Variants in FSIP2 observed in about 807,000 individuals in gnomAD.
FSIP2 encodes the protein fibrous sheath-interacting protein 2.
FSIP2 carries 367 observed loss-of-function variants against 510.5 expected under a neutral mutation model. The observed-to-expected ratio is 0.72, with a 90% CI of 0.66 to 0.78. The LOEUF (loss-of-function observed/expected upper bound fraction) is 0.78, where lower values mean the gene tolerates loss of function less well. FSIP2 is among the 30% of genes least tolerant of loss of function. The probability of loss-of-function intolerance (pLI) is 0.00; values close to 1 mark genes in which losing one functional copy is unlikely to be tolerated. For synonymous variants in FSIP2, 2,601 were observed against 2,732.2 expected (o/e 0.95, Z 1.50); for missense variants, 7,594 against 7,901.7 (o/e 0.96, Z 1.48).
intron 13 of FSIP2, among the ~76,000 whole-genome samples, chr2:185,773,318 T>C (rs950879035): frequency 1.3e-5 from 2 of 152,218 alleles, no homozygotes; most frequent in African/African-American, 4.8e-5. Context: ...TTGAATATTT[T>C]ATGTCATTCT....
chr2:185,821,229 A>G (rs1206647853), intron 19 of FSIP2, among the ~76,000 whole-genome samples: 1 of 151,882 alleles, frequency 6.6e-6, no homozygotes, highest in East Asian at 1.9e-4. Context: ...AGAAATACAC[A>G]GCTTGTCAAG....
rs1281687658 is a variant in FSIP2 at position 185,797,222 on chromosome 2, A to C, written c.10086A>C (p.Ser3362=). The C allele has an allele frequency of 8.5e-6, 13 of 1,535,108 alleles. No homozygotes were observed. The East Asian group carries it at 3.2e-4, about 38-fold the overall frequency. The part of the protein sequence containing the change: ...NREIMKPFFI[S]KQSSLSEVSG... ...AAATAATGAAACCATTTTTCATATC[A>C]AAACAAAGCTCTTTATCTGAAGTAT... Residue 3362 remains serine (S), a synonymous_variant, in exon 16 of 23, where the codon TCA becomes TCC. Coordinates refer to ENST00000424728, the MANE Select transcript of FSIP2 (RefSeq NM_173651.4).
At chr2:185,766,834 C>G (rs1299116157) in intron 13 of FSIP2, among the ~76,000 whole-genome samples, 1 of 133,178 alleles carries the variant, frequency 7.5e-6, no homozygotes, top group Admixed American at 7.6e-5. Flanking sequence ...ACCCAAAGGA[C>G]TATAAATCAT....
At chr2:185,779,653 T>TATC (rs1329169751) in intron 13 of FSIP2, among the ~76,000 whole-genome samples, 6 of 152,138 alleles carry the variant, frequency 3.9e-5, no homozygotes, top group Non-Finnish European at 5.9e-5. Flanking sequence ...TTAAAGGTTT[T>TATC]ATCAGTCAAA....
upstream of FSIP2, chr2:185,738,581 A>C (rs1691834634): frequency 6.5e-7 from 1 of 1,533,396 alleles, no homozygotes. Flanking sequence ...AACAAAGCTT[A>C]TACGTTTTCG....
At chr2:185,758,800 C>T (rs1197516031) in intron 9 of FSIP2, among the ~76,000 whole-genome samples, 2 of 151,214 alleles carry the variant, frequency 1.3e-5, no homozygotes, top group Non-Finnish European at 3.0e-5. Flanking sequence ...TCTAAACATT[C>T]TCTTCCATTC....
chr2:185,788,836 C>T lies in FSIP2; in HGVS notation c.1700C>T (p.Thr567Ile). The change falls in exon 16 of 23, where the codon ACA becomes ATA. Residue 567 changes from threonine (T) to isoleucine (I), a missense_variant. Transcript: ENST00000424728. Reference sequence around the variant, plus strand: ...TGTAGCACGTGCAGTGAAGACTTTACATATAGAAGCTACACATCTGCAACA... The same window carrying T: ...TGTAGCACGTGCAGTGAAGACTTTATATATAGAAGCTACACATCTGCAACA... ...SFCSTCSEDF[T>I]YRSYTSATTK... 6.5e-7 allele frequency: 1 copy of T among 1,534,576 alleles called. No individual in the cohort carries two copies. The highest frequency in any genetic ancestry group is 8.7e-7 in the Non-Finnish European group (1 of 1,145,822).
chr2:185,830,931 T>C (rs1218073959), intron 21 of FSIP2, among the ~76,000 whole-genome samples: 1 of 151,936 alleles, frequency 6.6e-6, no homozygotes, highest in Admixed American at 6.6e-5. Flanking sequence ...GATAACTCTA[T>C]TGTACAGCTT....
rs141814910 is a variant in FSIP2, at chr2:185,788,631, C to T, written c.1507-12C>T. On this transcript the variant is annotated splice_polypyrimidine_tract_variant and intron_variant, in intron 15 of 22. Coordinates refer to ENST00000424728, the MANE Select transcript of FSIP2 (RefSeq NM_173651.4). ...ATGACTTTATTTTCATCTCTGCTTA[C>T]CTCCTTTCCAGGTAACTTCTGAAGA... is the stretch of plus-strand genomic sequence containing the variant. 9.1e-4 allele frequency: 1,337 copies of T among 1,472,052 alleles called. 27 individuals are homozygous for T. In the East Asian group the frequency reaches 0.028, roughly 31 times the overall value. The allele number at this position is 1,472,052 out of a possible 1,614,324, so 91.2% of individuals were successfully genotyped here.
At chr2:185,761,343 G>A (rs973343494) in intron 10 of FSIP2, among the ~76,000 whole-genome samples, 1 of 151,078 alleles carries the variant, frequency 6.6e-6, no homozygotes, top group Non-Finnish European at 1.5e-5. Context: ...TAATAATAAT[G>A]ACAGCTTGCA....
chr2:185,806,528 A>C lies in FSIP2; in HGVS notation c.17222A>C (p.Asn5741Thr). Residue 5741 changes from asparagine (N) to threonine (T), a missense_variant, in exon 17 of 23, where the codon AAT (asparagine) becomes ACT (threonine). By Grantham distance (65) the Asn-to-Thr change is moderately conservative. Coordinates refer to ENST00000424728, the MANE Select transcript of FSIP2 (RefSeq NM_173651.4). ...AAAGTATCCTCCTCAACTAACAAAA[A>C]TATCTCTGCCAAAGAAAAAGAAGAG... is the stretch of plus-strand genomic sequence containing the variant. The part of the protein sequence containing the change: ...TKKVSSSTNK[N>T]ISAKEKEEEE... 6.3e-7 allele frequency: 1 copy of C among 1,598,468 alleles called. No homozygotes were observed.
chr2:185,795,363 ATAAT>A lies in FSIP2; in HGVS notation c.8231_8234del (p.Ile2744ThrfsTer3). 6.5e-7 allele frequency: 1 copy of A among 1,534,802 alleles called. No homozygotes were observed. Among genetic ancestry groups the A allele is most frequent in the South Asian group, 1.2e-5 (1 of 84,040 alleles). On this transcript the variant is annotated frameshift_variant, in exon 16 of 23. Coordinates refer to ENST00000424728, the MANE Select transcript of FSIP2 (RefSeq NM_173651.4). LOFTEE classifies it high-confidence loss of function. Reference sequence around the variant, plus strand: ...ACTAAAAATATATGCCAAGGATATAATAATTAACATCCTAGAAACAATTGTGAAG... The same window carrying A: ...ACTAAAAATATATGCCAAGGATATAATAACATCCTAGAAACAATTGTGAAG...
chr2:185,826,136 G>C (rs1694009432), intron 20 of FSIP2, among the ~76,000 whole-genome samples: 1 of 151,742 alleles, frequency 6.6e-6, no homozygotes, highest in Admixed American at 6.6e-5. Context: ...TACCATTGAG[G>C]TTTGTGTAAG....
At position 185,807,256 on chromosome 2, in the gene FSIP2, G is replaced by A; in HGVS notation, c.17950G>A (p.Val5984Ile). 1 of 1,612,442 alleles carries A rather than the reference G, an allele frequency of 6.2e-7. No homozygotes were observed. The highest frequency in any genetic ancestry group is 1.1e-5 in the South Asian group (1 of 90,862). Residue 5984 changes from valine (V) to isoleucine (I), a missense_variant, in exon 17 of 23, where the codon GTT becomes ATT. Val to Ile is a conservative substitution (Grantham distance 29). Transcript: ENST00000424728. ...ACLPLESKDV[V>I]KKVQKLAQTA... ...TTTGCCTCTGGAATCTAAGGATGTT[G>A]TTAAAAAGGTCCAAAAGTTGGCCCA...
chr2:185,756,948 AAG>A (rs1692257655), intron 9 of FSIP2, among the ~76,000 whole-genome samples: 1 of 151,304 alleles, frequency 6.6e-6, no homozygotes, highest in Non-Finnish European at 1.5e-5. Flanking sequence ...AGTTTTCATC[AAG>A]AGTCTGAAAT....
Position 185,828,153 on chromosome 2 carries a change from C to A in FSIP2, c.20474-3C>A. 6.5e-7 allele frequency: 1 copy of A among 1,547,852 alleles called. No individual in the cohort carries two copies. Among genetic ancestry groups the A allele is most frequent in the Non-Finnish European group, 8.9e-7 (1 of 1,123,754 alleles). ...TTTACTTTTTTTTTTTTAATCTCTA[C>A]AGAAAGTTCTCAGGAACAAAAGCCA... is the stretch of plus-strand genomic sequence containing the variant. On this transcript the variant is annotated splice_region_variant and splice_polypyrimidine_tract_variant and intron_variant, in intron 20 of 22. Coordinates refer to ENST00000424728, the MANE Select transcript of FSIP2 (RefSeq NM_173651.4).
At chr2:185,757,721 C>CA (rs1692269850) in intron 9 of FSIP2, among the ~76,000 whole-genome samples, 1 of 151,286 alleles carries the variant, frequency 6.6e-6, no homozygotes, top group African/African-American at 2.4e-5. Context: ...AGTTTGAAGT[C>CA]AATTTCCTGC....
rs926204914 is a variant in FSIP2 at position 185,790,855 on chromosome 2, C to G, written c.3719C>G (p.Pro1240Arg). Reference protein sequence around the residue: ...MKYLSLFDVDPEKPPWLKSGK... With the variant: ...MKYLSLFDVDREKPPWLKSGK... ...TATTTATCTTTATTTGACGTTGATC[C>G]TGAAAAGCCTCCCTGGTTAAAATCT... The change falls in exon 16 of 23, where the codon CCT (proline) becomes CGT (arginine). Residue 1240 changes from proline (P) to arginine (R), a missense_variant. Physicochemically the swap from Pro to Arg is moderately radical, Grantham distance 103. Coordinates refer to ENST00000424728, the MANE Select transcript of FSIP2 (RefSeq NM_173651.4). 3 of 1,532,758 alleles carry G rather than the reference C, an allele frequency of 2.0e-6. No homozygotes were observed. In the Admixed American group the frequency reaches 5.9e-5, roughly 30 times the overall value. 94.9% of individuals were successfully genotyped at this position (1,532,758 alleles called of 1,614,324 possible).
At position 185,806,287 on chromosome 2, in the gene FSIP2, C is replaced by G. The variant is rs1693575082; in HGVS notation, c.16981C>G (p.Pro5661Ala). 1.2e-6 allele frequency: 2 copies of G among 1,609,040 alleles called. No homozygotes were observed. The highest frequency in any genetic ancestry group is 1.3e-5 in the African/African-American group (1 of 74,648). ...TSSNEGRRDS[P>A]TQTCRDEEHH... Reference sequence around the variant, plus strand: ...AAGCAATGAGGGGAGAAGAGACTCTCCAACACAAACGTGTAGGGATGAGGA... The same window carrying G: ...AAGCAATGAGGGGAGAAGAGACTCTGCAACACAAACGTGTAGGGATGAGGA... The change falls in exon 17 of 23, where the codon CCA becomes GCA. Residue 5661 changes from proline (P) to alanine (A), a missense_variant. Physicochemically the swap from Pro to Ala is conservative, Grantham distance 27. Coordinates refer to ENST00000424728, the MANE Select transcript of FSIP2 (RefSeq NM_173651.4).
Sources: gnomAD v4.1 joint callset for allele counts (sites outside exome capture counted in the v4.1 genomes callset) on GRCh38, gnomAD v4.1.1 for gene constraint, MANE v1.5 for transcripts, NCBI Gene and HGNC (gene_info 2026-07-23, HGNC 2026-07-21) for gene names.